LIPA: variants seen among roughly 807,000 people sequenced by gnomAD.
LIPA encodes the protein lysosomal acid lipase/cholesteryl ester hydrolase.
LIPA carries 26 observed loss-of-function variants against 40.6 expected under a neutral mutation model. The ratio of observed to expected loss-of-function variants is 0.64; its 90% CI spans 0.47 to 0.89. The LOEUF is 0.89. LIPA is among the 40% of genes least tolerant of loss of function. The pLI, the probability that LIPA is intolerant of heterozygous loss-of-function variation, is 0.00. For missense variants in LIPA, 455 were observed against 479.6 expected, an observed-to-expected ratio of 0.95 and a Z score of 0.48; for synonymous variants, 188 against 168.4, an observed-to-expected ratio of 1.12 and a Z score of -0.90.
At chr10:89,392,761 G>T (rs1402954447) in intron 2 of LIPA, 2 of 1,599,452 alleles carry the variant, frequency 1.3e-6, no homozygotes, top group African/African-American at 2.7e-5. Flanking sequence ...TAAAGTTTTT[G>T]AAAAAATGGT....
intron 4 of LIPA, 120 bp from the exon 5 acceptor site, chr10:89,227,124 A>C: frequency 1.4e-6 from 1 of 733,076 alleles, no homozygotes; most frequent in Non-Finnish European, 2.5e-6. Context: ...ACCAGCAGTG[A>C]GTCCAGGAAA....
chr10:89,321,909 G>T (rs1245388152), intron 1 of LIPA, among the ~76,000 whole-genome samples: 1 of 152,188 alleles, frequency 6.6e-6, no homozygotes, highest in Non-Finnish European at 1.5e-5. Context: ...ATGAGTTCAT[G>T]TCCTTTGTAG....
intron 1 of LIPA, among the ~76,000 whole-genome samples, chr10:89,286,461 C>T (rs1403833206): frequency 2.6e-5 from 4 of 152,184 alleles, no homozygotes; most frequent in Non-Finnish European, 5.9e-5. Context: ...CTGCGACTAG[C>T]CCTCCCGGAC....
chr10:89,293,494 T>A (rs1843388844), intron 1 of LIPA: 1 of 152,196 alleles, frequency 6.6e-6, no homozygotes, highest in Non-Finnish European at 1.5e-5. Flanking sequence ...TTATTTATTA[T>A]TGTATTAGTC....
chr10:89,310,808 G>A (rs1843511292), intron 1 of LIPA, among the ~76,000 whole-genome samples: 1 of 152,194 alleles, frequency 6.6e-6, no homozygotes, highest in South Asian at 2.1e-4. Flanking sequence ...GTTCTCTGTA[G>A]GCTGCTGTTG....
chr10:89,276,095 G>A (rs911182514), intron 1 of LIPA, among the ~76,000 whole-genome samples: 1 of 152,150 alleles, frequency 6.6e-6, no homozygotes, highest in Non-Finnish European at 1.5e-5. Flanking sequence ...ATAGGGCTGG[G>A]TCTAGATAGG....
rs1842732425 is a variant in LIPA at position 89,223,794 on chromosome 10, C to T, written c.712G>A (p.Ala238Thr). ...FGDKEFLPQS[A>T]FLKWLGTHVC... ...TGGGTACCCAGCCACTTCAAAAACG[C>T]ACTCTGGGGAAGAAATTCTTTGTCT... The change falls in exon 7 of 10, where the codon GCG becomes ACG. Residue 238 changes from alanine to threonine, a missense_variant. Transcript: ENST00000336233. The T allele has an allele frequency of 6.2e-7, 1 of 1,613,966 alleles. No homozygotes were observed. The highest frequency in any genetic ancestry group is 1.3e-5 in the African/African-American group (1 of 74,910).
intron 8 of LIPA, among the ~76,000 whole-genome samples, chr10:89,220,359 T>C (rs1054588678): frequency 1.3e-5 from 2 of 152,174 alleles, no homozygotes; most frequent in Non-Finnish European, 2.9e-5. Flanking sequence ...TTGGGCCTTT[T>C]AGGAAAATGT....
At chr10:89,311,816 A>T (rs757508105) in intron 1 of LIPA, among the ~76,000 whole-genome samples, 2 of 152,222 alleles carry the variant, frequency 1.3e-5, no homozygotes, top group Non-Finnish European at 2.9e-5. Flanking sequence ...CTTCACCAAT[A>T]CTGAATGTTA....
At chr10:89,354,309 A>G (rs1161685465) in intron 2 of LIPA, among the ~76,000 whole-genome samples, 1 of 152,220 alleles carries the variant, frequency 6.6e-6, no homozygotes, top group Non-Finnish European at 1.5e-5. Context: ...TACATCTTAC[A>G]TGTACTGATT....
chr10:89,282,185 C>T (rs756470610), intron 1 of LIPA, among the ~76,000 whole-genome samples: 8 of 152,196 alleles, frequency 5.3e-5, no homozygotes, highest in African/African-American at 1.9e-4. Context: ...ATATTTCATA[C>T]TGAGAAAGGT....
At chr10:89,268,448 CTGA>C (rs1465257130) in intron 1 of LIPA, among the ~76,000 whole-genome samples, 3 of 152,036 alleles carry the variant, frequency 2.0e-5, no homozygotes, top group Non-Finnish European at 4.4e-5. Flanking sequence ...AATTTATTTG[CTGA>C]TTATTAATGG....
At chr10:89,312,456 T>C (rs1302678615) in intron 1 of LIPA, among the ~76,000 whole-genome samples, 1 of 151,908 alleles carries the variant, frequency 6.6e-6, no homozygotes. Flanking sequence ...AAAAAATAAA[T>C]AATAATAATA....
intron 1 of LIPA, among the ~76,000 whole-genome samples, chr10:89,332,019 T>A (rs1843657748): frequency 6.6e-6 from 1 of 151,724 alleles, no homozygotes; most frequent in Non-Finnish European, 1.5e-5. Flanking sequence ...GATCATGAGG[T>A]CAGGAGTTCG....
intron 1 of LIPA, among the ~76,000 whole-genome samples, chr10:89,331,117 C>T (rs1025853269): frequency 1.3e-5 from 2 of 152,180 alleles, no homozygotes; most frequent in African/African-American, 2.4e-5. Context: ...TTTACATAGG[C>T]AAAGACAGAG....
chr10:89,215,806 G>C, intron 9 of LIPA, 132 bp downstream of exon 9: 4 of 773,116 alleles, frequency 5.2e-6, no homozygotes, highest in Non-Finnish European at 9.6e-6. Context: ...TGGACTGATG[G>C]AAAACAAACA....
chr10:89,408,928 T>C (rs954280952), intron 2 of LIPA, among the ~76,000 whole-genome samples: 3 of 152,150 alleles, frequency 2.0e-5, no homozygotes, highest in African/African-American at 7.2e-5. Flanking sequence ...ACTCAGATCA[T>C]GGGGACTGGA....
intron 1 of LIPA, chr10:89,284,348 T>C (rs987142647): frequency 1.3e-5 from 2 of 152,232 alleles, no homozygotes; most frequent in Admixed American, 6.5e-5. Flanking sequence ...AGCTCAGCAT[T>C]GGCAGCTCTA....
chr10:89,222,222 G>T lies in LIPA; in HGVS notation c.894+289C>A, dbSNP rs191638277. Among the ~76,000 whole-genome samples, 555 of 152,292 alleles carry T rather than the reference G, an allele frequency of 3.6e-3. 2 individuals carry two copies. The highest frequency in any genetic ancestry group is 5.5e-3 in the Non-Finnish European group (371 of 68,026). On this transcript the variant is annotated intron_variant, in intron 8 of 9. Transcript: ENST00000336233. ...ACAGGAGGAGGAAAAGAAAGCTGGG[G>T]GAGAAGGAAAGGGAGAGAATATATT...
Sources: allele counts gnomAD v4.1 joint callset (sites outside exome capture counted in the v4.1 genomes callset), GRCh38; gene constraint gnomAD v4.1.1; transcripts MANE v1.5; gene names NCBI Gene and HGNC (gene_info 2026-07-23, HGNC 2026-07-21).